Variants in DNAH5 observed in about 807,000 individuals in gnomAD.
DNAH5 encodes axonemal beta dynein heavy chain 5.
In DNAH5, 372 loss-of-function variants were observed where a neutral mutation model predicts 518.2. That is an observed-to-expected ratio of 0.72 (90% CI 0.66 to 0.78). The LOEUF (loss-of-function observed/expected upper bound fraction) is 0.78. Ranked by LOEUF, DNAH5 falls within the 30% of genes least tolerant of loss-of-function variation. The pLI is 0.00. For synonymous variants in DNAH5, 2,039 were observed against 2,025.9 expected (o/e 1.01, Z -0.17); for missense variants, 5,523 against 5,687.0 (o/e 0.97, Z 0.93).
chr5:13,759,080 A>G (rs1751433368), intron 60 of DNAH5, 97 bp from the exon 61 acceptor site: 1 of 1,536,534 alleles, frequency 6.5e-7, no homozygotes. Context: ...ACATGTTTAT[A>G]CCTTTGCTTT....
intron 1 of DNAH5, among the ~76,000 whole-genome samples, chr5:13,964,360 G>A (rs1781394582): frequency 6.6e-6 from 1 of 152,086 alleles, no homozygotes; most frequent in Non-Finnish European, 1.5e-5. Context: ...CCTCCCACTT[G>A]GTTGATGGTC....
chr5:13,949,130 C>T (rs1356163788), upstream of DNAH5, among the ~76,000 whole-genome samples: 1 of 152,130 alleles, frequency 6.6e-6, no homozygotes, highest in African/African-American at 2.4e-5. Flanking sequence ...AAAGAATCAT[C>T]ATAACTTAAG....
intron 31 of DNAH5, 43 bp from the exon 32 acceptor site, chr5:13,845,036 G>C: frequency 5.0e-6 from 8 of 1,592,406 alleles, no homozygotes; most frequent in South Asian, 4.4e-5. Flanking sequence ...ACCACACAAA[G>C]CTGGTCGTTC....
chr5:13,982,384 T>C (rs1276781306), intron 1 of DNAH5, among the ~76,000 whole-genome samples: 6 of 152,234 alleles, frequency 3.9e-5, no homozygotes, highest in East Asian at 1.9e-4. Flanking sequence ...ATATGCACTA[T>C]TGCATGAGTG....
intron 1 of DNAH5, among the ~76,000 whole-genome samples, chr5:13,950,467 G>A (rs762550464): frequency 2.6e-5 from 4 of 151,950 alleles, no homozygotes; most frequent in Admixed American, 1.3e-4. Context: ...GTAGAGATGG[G>A]GTTCCTCCAT....
In DNAH5 at chr5:13,758,864, C is replaced by T. The variant is rs373968571; in HGVS notation, c.10401G>A (p.Gln3467=). ...CAGTTACCTGCTTTTCAGTCATGGC[C>T]TGTTCATACTCAGCCTGCACCACGT... ...ELDVVQAEYE[Q]AMTEKQTLLE... is the part of the protein sequence containing the mutation. The change falls in exon 61 of 79, where the codon CAG becomes CAA. Residue 3467 remains glutamine (Q), a synonymous_variant. Transcript: ENST00000265104. The T allele has an allele frequency of 2.1e-5, 34 of 1,614,048 alleles. No homozygotes were observed. Among genetic ancestry groups the T allele is most frequent in the Non-Finnish European group, 2.7e-5 (32 of 1,180,022 alleles).
intron 35 of DNAH5, among the ~76,000 whole-genome samples, chr5:13,832,590 C>A (rs959829169): frequency 1.3e-5 from 2 of 152,164 alleles, no homozygotes; most frequent in African/African-American, 4.8e-5. Context: ...GTTTTAGTTG[C>A]CTGTGGTCAA....
intron 1 of DNAH5, among the ~76,000 whole-genome samples, chr5:13,936,907 C>G (rs982426458): frequency 6.6e-6 from 1 of 152,110 alleles, no homozygotes; most frequent in Non-Finnish European, 1.5e-5. Context: ...TGTGCCTAAG[C>G]AAGGACATCT....
intron 55 of DNAH5, among the ~76,000 whole-genome samples, chr5:13,772,493 T>C (rs1753480777): frequency 6.6e-6 from 1 of 152,240 alleles, no homozygotes; most frequent in South Asian, 2.1e-4. Flanking sequence ...GAGTGACCCG[T>C]GCCTGCTGAG....
intron 70 of DNAH5, among the ~76,000 whole-genome samples, chr5:13,723,021 A>G (rs1305449732): frequency 6.6e-6 from 1 of 152,140 alleles, no homozygotes; most frequent in African/African-American, 2.4e-5. Context: ...AGAGAGGCTC[A>G]CCCCTTCTGA....
chr5:13,881,480 G>A (rs545908837), intron 21 of DNAH5, among the ~76,000 whole-genome samples: 8 of 151,698 alleles, frequency 5.3e-5, no homozygotes, highest in Admixed American at 1.3e-4. Flanking sequence ...CAAACCAAGC[G>A]TATGAAACTA....
Position 13,876,836 on chromosome 5 carries a change from G to A in DNAH5, c.3263-19C>T. ...AAGGTATCTAAAAAGAAAAAAAGAA[G>A]AGAAAACTTTACACTACTCACACAA... On this transcript the variant is annotated intron_variant, in intron 21 of 78. Coordinates refer to ENST00000265104, the MANE Select transcript of DNAH5 (RefSeq NM_001369.3). The A allele has an allele frequency of 6.2e-7, 1 of 1,611,984 alleles. No homozygotes were observed. Among genetic ancestry groups the A allele is most frequent in the East Asian group, 2.2e-5 (1 of 44,832 alleles).
chr5:13,806,283 A>G (rs1378705326), intron 47 of DNAH5, among the ~76,000 whole-genome samples: 1 of 152,138 alleles, frequency 6.6e-6, no homozygotes, highest in African/African-American at 2.4e-5. Context: ...GGGGTTGACC[A>G]TCCATCCAGA....
At chr5:13,981,049 C>T (rs1213448841) in intron 1 of DNAH5, among the ~76,000 whole-genome samples, 1 of 152,200 alleles carries the variant, frequency 6.6e-6, no homozygotes, top group Non-Finnish European at 1.5e-5. Context: ...TGACTCCCAC[C>T]CACTCTCTGC....
At chr5:13,758,737 T>C (rs1751355863) in intron 61 of DNAH5, 109 bp downstream of exon 61, 2 of 1,484,120 alleles carry the variant, frequency 1.3e-6, no homozygotes, top group Non-Finnish European at 1.9e-6. Flanking sequence ...CATTATGTGC[T>C]ATGTATGTAT....
At position 13,809,027 on chromosome 5, in the gene DNAH5, A is replaced by C; in HGVS notation, c.7752+17T>G. ...CCCTTAAAATATGCTACAGTTAATA[A>C]AAATTAAAAGTCATACCTTGCCCTG... On this transcript the variant is annotated intron_variant, in intron 46 of 78. Transcript: ENST00000265104. 1 of 1,613,860 alleles carries C rather than the reference A, an allele frequency of 6.2e-7. No individual in the cohort carries two copies. Among genetic ancestry groups the C allele is most frequent in the Non-Finnish European group, 8.5e-7 (1 of 1,179,744 alleles).
chr5:13,705,073 G>T (rs1381021115), intron 76 of DNAH5, among the ~76,000 whole-genome samples: 2 of 151,894 alleles, frequency 1.3e-5, no homozygotes, highest in Non-Finnish European at 2.9e-5. Context: ...CTCACTGCAG[G>T]TTCCGCCTCC....
chr5:13,763,847 G>A (rs1752115488), intron 59 of DNAH5, among the ~76,000 whole-genome samples: 1 of 152,184 alleles, frequency 6.6e-6, no homozygotes, highest in African/African-American at 2.4e-5. Context: ...CCAAGAGCAG[G>A]GGCTTTGCCA....
At chr5:13,879,538 T>A (rs1771348794) in intron 21 of DNAH5, among the ~76,000 whole-genome samples, 1 of 152,030 alleles carries the variant, frequency 6.6e-6, no homozygotes, top group Admixed American at 6.6e-5. Context: ...ATCTGTAATA[T>A]TCATAAAGAT....
Sources: allele counts gnomAD v4.1 joint callset (sites outside exome capture counted in the v4.1 genomes callset), GRCh38; gene constraint gnomAD v4.1.1; transcripts MANE v1.5; gene names NCBI Gene and HGNC (gene_info 2026-07-23, HGNC 2026-07-21).